The following TUNAR variants were observed in gnomAD, a reference collection of about 807,000 sequenced individuals.
TUNAR encodes the protein transmembrane neural differentiation associated intracellular calcium regulator, also known as protein TUNAR.
chr14:95,920,926 C>T lies in TUNAR; in HGVS notation c.13-1855C>T, dbSNP rs985718481. ...TTGGAGACCAGCAAGTCCTGAGATC[C>T]GCAGGATGAGTCAGCAAGCGGGAGA... On this transcript the variant is annotated intron_variant, in intron 2 of 2. Transcript: ENST00000678517. Among the ~76,000 whole-genome samples, 2 of 152,206 alleles carry T rather than the reference C, an allele frequency of 1.3e-5. 1 individual carries two copies. The highest frequency in any genetic ancestry group is 4.1e-4 in the South Asian group (2 of 4,822).
chr14:95,909,224 T>C (rs1889474025), intron 2 of TUNAR, among the ~76,000 whole-genome samples: 1 of 152,118 alleles, frequency 6.6e-6, no homozygotes, highest in African/African-American at 2.4e-5. Context: ...CTAATCCTCC[T>C]TTCCATCAGA....
At chr14:95,914,295 G>A (rs1366423235) in intron 2 of TUNAR, among the ~76,000 whole-genome samples, 1 of 152,206 alleles carries the variant, frequency 6.6e-6, no homozygotes, top group African/African-American at 2.4e-5. Flanking sequence ...GTGGGCAGAG[G>A]TCAGCCCCCT....
At chr14:95,883,594 G>C (rs1453524218) in intron 2 of TUNAR, among the ~76,000 whole-genome samples, 1 of 152,200 alleles carries the variant, frequency 6.6e-6, no homozygotes, top group African/African-American at 2.4e-5. Context: ...CTTTTTAAGG[G>C]GTCTGTTCAG....
chr14:95,902,073 G>A (rs1889363011), intron 2 of TUNAR, among the ~76,000 whole-genome samples: 1 of 152,158 alleles, frequency 6.6e-6, no homozygotes, highest in Non-Finnish European at 1.5e-5. Flanking sequence ...ATTGTGTAAA[G>A]ATCACAATCC....
intron 2 of TUNAR, among the ~76,000 whole-genome samples, chr14:95,909,387 G>A (rs560108676): frequency 2.0e-4 from 30 of 150,218 alleles, no homozygotes; most frequent in Non-Finnish European, 3.5e-4. Flanking sequence ...GGGTTCAAGC[G>A]ATTTTCCTGC....
intron 2 of TUNAR, among the ~76,000 whole-genome samples, chr14:95,912,352 T>C (rs1052353826): frequency 6.6e-6 from 1 of 152,232 alleles, no homozygotes; most frequent in African/African-American, 2.4e-5. Context: ...TCTTCTTAAA[T>C]TTACATTACC....
intron 2 of TUNAR, among the ~76,000 whole-genome samples, chr14:95,894,683 A>C (rs866686396): frequency 2.0e-5 from 3 of 152,230 alleles, no homozygotes; most frequent in East Asian, 3.8e-4. Flanking sequence ...TACATAAAAC[A>C]AAAAGCCCCT....
intron 2 of TUNAR, among the ~76,000 whole-genome samples, chr14:95,890,459 C>T (rs909183987): frequency 7.9e-5 from 12 of 152,184 alleles, no homozygotes; most frequent in African/African-American, 2.9e-4. Flanking sequence ...AGTAGAGTGG[C>T]CTGGCTTGGT....
At chr14:95,919,729 T>C (rs1323618886) in intron 2 of TUNAR, among the ~76,000 whole-genome samples, 1 of 151,808 alleles carries the variant, frequency 6.6e-6, no homozygotes, top group Non-Finnish European at 1.5e-5. Context: ...ATAATAATAA[T>C]AGTAATAATG....
At chr14:95,909,551 G>A (rs569874608) in intron 2 of TUNAR, among the ~76,000 whole-genome samples, 1 of 152,280 alleles carries the variant, frequency 6.6e-6, no homozygotes, top group East Asian at 1.9e-4. Context: ...GCAAAGTGCT[G>A]GGATTACAGG....
chr14:95,885,025 C>T (rs2139653134), intron 2 of TUNAR, among the ~76,000 whole-genome samples: 1 of 152,338 alleles, frequency 6.6e-6, no homozygotes, highest in African/African-American at 2.4e-5. Context: ...TGAGATTAAC[C>T]TCCAAGGCGA....
At chr14:95,885,874 G>A (rs1215636313) in intron 2 of TUNAR, among the ~76,000 whole-genome samples, 1 of 152,150 alleles carries the variant, frequency 6.6e-6, no homozygotes, top group East Asian at 1.9e-4. Context: ...TGGTTGTCCC[G>A]GGTGTAACCT....
chr14:95,883,290 A>G (rs1352167156), intron 2 of TUNAR, among the ~76,000 whole-genome samples: 2 of 152,216 alleles, frequency 1.3e-5, no homozygotes, highest in Non-Finnish European at 2.9e-5. Context: ...CTGCTCGAGG[A>G]CATCCCTGTG....
chr14:95,891,590 G>A (rs1889181542), intron 2 of TUNAR, among the ~76,000 whole-genome samples: 2 of 152,238 alleles, frequency 1.3e-5, no homozygotes, highest in Non-Finnish European at 2.9e-5. Flanking sequence ...AATTGGACCA[G>A]AGTCTCTGCT....
chr14:95,893,573 C>G (rs897389837), intron 2 of TUNAR, among the ~76,000 whole-genome samples: 121 of 152,136 alleles, frequency 8.0e-4, no homozygotes, highest in Non-Finnish European at 1.5e-4. Flanking sequence ...TGGATCCCCC[C>G]CACCCCACTC....
At chr14:95,899,848 T>C (rs879862442) in intron 2 of TUNAR, among the ~76,000 whole-genome samples, 1 of 152,158 alleles carries the variant, frequency 6.6e-6, no homozygotes, top group Non-Finnish European at 1.5e-5. Context: ...ACATATGAAT[T>C]TTGGGGGGAC....
At position 95,880,265 on chromosome 14, in the gene TUNAR, A is replaced by G. The variant is rs117506589; in HGVS notation, c.12+3088A>G. On this transcript the variant is annotated intron_variant, in intron 2 of 2. Coordinates refer to ENST00000678517, the Ensembl canonical transcript of TUNAR. Reference sequence around the variant, plus strand: ...AGAATGCTCTGTACTTTAAGGTTACATAACGTTCCAATTAGACATTCCTAT... The same window carrying G: ...AGAATGCTCTGTACTTTAAGGTTACGTAACGTTCCAATTAGACATTCCTAT... Among the ~76,000 whole-genome samples the G allele has an allele frequency of 1.4e-4, 22 of 152,332 alleles. No individual in the cohort carries two copies. The East Asian group carries it at 3.8e-3, about 27-fold the overall frequency.
intron 2 of TUNAR, among the ~76,000 whole-genome samples, chr14:95,902,618 C>T (rs1889371803): frequency 6.6e-6 from 1 of 152,188 alleles, no homozygotes; most frequent in South Asian, 2.1e-4. Context: ...AAACGCTGAT[C>T]TCCCCAGGGG....
At chr14:95,924,411 G>C (rs780063680) in exon 3 of TUNAR, 2 of 152,246 alleles carry the variant, frequency 1.3e-5, no homozygotes, top group Non-Finnish European at 2.9e-5. Context: ...CCTGAAATGG[G>C]CCCTTGCCTG....
Sources: allele counts gnomAD v4.1 joint callset (sites outside exome capture counted in the v4.1 genomes callset), GRCh38; gene constraint gnomAD v4.1.1; transcripts MANE v1.5; gene names NCBI Gene and HGNC (gene_info 2026-07-23, HGNC 2026-07-21).